Variants in IPCEF1 observed in about 807,000 individuals in gnomAD.
IPCEF1 encodes interactor protein for cytohesin exchange factors 1.
In IPCEF1, 31 loss-of-function variants were observed where a neutral mutation model predicts 50.9. The observed-to-expected ratio is 0.61, with a 90% CI of 0.46 to 0.82. IPCEF1 has a LOEUF of 0.82. IPCEF1 is among the 40% of genes least tolerant of loss of function. The probability of loss-of-function intolerance (pLI) is 0.00; values close to 1 mark genes in which losing one functional copy is unlikely to be tolerated. For synonymous variants in IPCEF1, 181 were observed against 192.0 expected (o/e 0.94, Z 0.47); for missense variants, 458 against 514.0 (o/e 0.89, Z 1.05).
intron 1 of IPCEF1, among the ~76,000 whole-genome samples, chr6:154,340,440 C>T (rs1256421390): frequency 6.6e-6 from 1 of 151,528 alleles, no homozygotes; most frequent in African/African-American, 2.4e-5. Flanking sequence ...TTAGTAGAGA[C>T]AGGTTTTGCC....
intron 7 of IPCEF1, among the ~76,000 whole-genome samples, chr6:154,216,311 T>TG (rs896621005): frequency 6.6e-6 from 1 of 151,728 alleles, no homozygotes; most frequent in South Asian, 2.1e-4. Flanking sequence ...AAGATGGGGG[T>TG]GGGGGGTGGT....
chr6:154,348,619 A>C (rs1006190791), intron 1 of IPCEF1, among the ~76,000 whole-genome samples: 2 of 152,236 alleles, frequency 1.3e-5, no homozygotes, highest in Non-Finnish European at 2.9e-5. Flanking sequence ...TAGTAAGAAC[A>C]ACTGCTTGAC....
intron 2 of IPCEF1, among the ~76,000 whole-genome samples, chr6:154,274,922 C>G (rs1782017556): frequency 6.6e-6 from 1 of 152,220 alleles, no homozygotes; most frequent in Admixed American, 6.5e-5. Flanking sequence ...GTCTTAAGTT[C>G]CATGACACCT....
chr6:154,292,536 C>T (rs934606996), intron 1 of IPCEF1, among the ~76,000 whole-genome samples: 2 of 152,038 alleles, frequency 1.3e-5, no homozygotes, highest in African/African-American at 2.4e-5. Flanking sequence ...AGCTCAGTGG[C>T]CAAAATTTAA....
In IPCEF1 at chr6:154,246,591, C is replaced by T; in HGVS notation, c.246G>A (p.Met82Ile). Residue 82 changes from methionine (M) to isoleucine (I), a missense_variant and splice_region_variant, in exon 5 of 12, where the codon ATG (methionine) becomes ATA (isoleucine). Transcript: ENST00000367220. ...AATAGGAGGAAGAAAGCAGACTCAC[C>T]ATTTGATTGCTATACCAGTACAGTG... ...GSSLYWYSNQ[M>I]AEKADGFVNL... 6.2e-7 allele frequency: 1 copy of T among 1,608,834 alleles called. No homozygotes were observed. Among genetic ancestry groups the T allele is most frequent in the African/African-American group, 1.3e-5 (1 of 74,852 alleles).
chr6:154,177,354 C>T (rs1396473584), intron 10 of IPCEF1, among the ~76,000 whole-genome samples: 1 of 152,144 alleles, frequency 6.6e-6, no homozygotes, highest in African/African-American at 2.4e-5. Context: ...AACAGGCAAC[C>T]TACAGAATGG....
chr6:154,309,909 G>A (rs752300193), intron 1 of IPCEF1, among the ~76,000 whole-genome samples: 9 of 151,654 alleles, frequency 5.9e-5, no homozygotes, highest in Admixed American at 2.0e-4. Flanking sequence ...GATTACAGGC[G>A]CATGCCACCA....
In IPCEF1 at chr6:154,199,680, T is replaced by A. The variant is rs773455218; in HGVS notation, c.898A>T (p.Ile300Phe). ...TTTATTGGTTTACCTTTGTCCATGA[T>A]CTTTGATCCAGCAGGCTTATCTGGG... ...TVPDKPAGSK[I>F]MDKEETKVSE... The change falls in exon 10 of 12, where the codon ATC becomes TTC. Residue 300 changes from isoleucine (I) to phenylalanine (F), a missense_variant. Physicochemically the swap from Ile to Phe is conservative, Grantham distance 21 (BLOSUM62 0). Transcript: ENST00000367220. 1.9e-6 allele frequency: 3 copies of A among 1,607,252 alleles called. No homozygotes were observed. Among genetic ancestry groups the A allele is most frequent in the South Asian group, 1.1e-5 (1 of 90,278 alleles).
At chr6:154,310,345 G>C (rs577360331) in intron 1 of IPCEF1, among the ~76,000 whole-genome samples, 1 of 152,186 alleles carries the variant, frequency 6.6e-6, no homozygotes, top group Non-Finnish European at 1.5e-5. Context: ...TGTTAGAATG[G>C]CTATTTTCTT....
intron 7 of IPCEF1, 63 bp from the exon 8 acceptor site, chr6:154,214,339 C>T: frequency 1.8e-6 from 2 of 1,092,660 alleles, no homozygotes; most frequent in Non-Finnish European, 2.8e-6. Context: ...ATTCACCTTC[C>T]CCCAGAGTTT....
intron 3 of IPCEF1, among the ~76,000 whole-genome samples, chr6:154,249,361 T>G (rs1562566439): frequency 6.6e-6 from 1 of 152,124 alleles, no homozygotes; most frequent in Non-Finnish European, 1.5e-5. Context: ...TGTATATTAT[T>G]TGAGTGGCTA....
intron 10 of IPCEF1, among the ~76,000 whole-genome samples, chr6:154,198,391 T>C (rs1431915339): frequency 6.6e-6 from 1 of 152,186 alleles, no homozygotes; most frequent in East Asian, 1.9e-4. Context: ...CTCCTCCCTA[T>C]GCTACTCATT....
chr6:154,178,343 T>C (rs1167107406), intron 10 of IPCEF1, among the ~76,000 whole-genome samples: 3 of 152,108 alleles, frequency 2.0e-5, no homozygotes, highest in Non-Finnish European at 4.4e-5. Context: ...ATTAAATCAG[T>C]AAAGATAAAA....
intron 9 of IPCEF1, among the ~76,000 whole-genome samples, chr6:154,204,010 G>C (rs1474351300): frequency 6.6e-6 from 1 of 152,156 alleles, no homozygotes; most frequent in Non-Finnish European, 1.5e-5. Context: ...TATTTAGTTA[G>C]TGATTAATAA....
chr6:154,310,946 A>G (rs1783063545), intron 1 of IPCEF1, among the ~76,000 whole-genome samples: 1 of 152,174 alleles, frequency 6.6e-6, no homozygotes, highest in South Asian at 2.1e-4. Flanking sequence ...ATTGCACTGC[A>G]TGGTGAACAC....
intron 2 of IPCEF1, among the ~76,000 whole-genome samples, chr6:154,283,805 G>A (rs1315728008): frequency 6.6e-6 from 1 of 152,114 alleles, no homozygotes. Context: ...TGTACATAAA[G>A]TTCTGTATCC....
chr6:154,178,744 T>G (rs1261783942), intron 10 of IPCEF1, among the ~76,000 whole-genome samples: 1 of 152,182 alleles, frequency 6.6e-6, no homozygotes, highest in Admixed American at 6.5e-5. Context: ...GAAGTATGTA[T>G]GTTCACATAG....
intron 1 of IPCEF1, among the ~76,000 whole-genome samples, chr6:154,316,875 C>T (rs927900393): frequency 6.6e-6 from 1 of 151,984 alleles, no homozygotes; most frequent in African/African-American, 2.4e-5. Flanking sequence ...TAAGTAGATA[C>T]AATTTTCTCA....
chr6:154,355,911 C>T (rs901202723), intron 1 of IPCEF1, among the ~76,000 whole-genome samples: 1 of 151,924 alleles, frequency 6.6e-6, no homozygotes, highest in Non-Finnish European at 1.5e-5. Context: ...CCGTGGTCAC[C>T]CAAAGTACTG....
Sources: allele counts gnomAD v4.1 joint callset (sites outside exome capture counted in the v4.1 genomes callset), GRCh38; gene constraint gnomAD v4.1.1; transcripts MANE v1.5; gene names NCBI Gene and HGNC (gene_info 2026-07-23, HGNC 2026-07-21).